PKIA: variants seen among roughly 807,000 people sequenced by gnomAD.
PKIA encodes cAMP-dependent protein kinase inhibitor alpha, also known as PKI-alpha.
PKIA carries 4 observed loss-of-function variants against 7.6 expected under a neutral mutation model. The observed-to-expected ratio is 0.52, with a 90% confidence interval of 0.26 to 1.20. PKIA has a LOEUF of 1.20. Ranked by LOEUF, PKIA falls within the 50% of genes most tolerant of loss-of-function variation. PKIA has a pLI of 0.13. For synonymous variants in PKIA, 21 were observed against 30.7 expected, an observed-to-expected ratio of 0.68 and a Z score of 1.04; for missense variants, 73 against 86.2, an observed-to-expected ratio of 0.85 and a Z score of 0.61.
At chr8:78,526,568 G>A (rs1050222364) in intron 1 of PKIA, among the ~76,000 whole-genome samples, 4 of 151,990 alleles carry the variant, frequency 2.6e-5, no homozygotes, top group Non-Finnish European at 5.9e-5. Context: ...AACTATTGGA[G>A]AAGTTTCATA....
intron 1 of PKIA, among the ~76,000 whole-genome samples, chr8:78,556,247 T>G (rs1451777332): frequency 1.3e-5 from 2 of 152,108 alleles, no homozygotes; most frequent in Non-Finnish European, 2.9e-5. Flanking sequence ...CATGTAATCT[T>G]GTTTCACTAA....
intron 1 of PKIA, among the ~76,000 whole-genome samples, chr8:78,570,758 T>TAAGAA: frequency 6.6e-6 from 1 of 152,136 alleles, no homozygotes; most frequent in Non-Finnish European, 1.5e-5. Flanking sequence ...AAGCACTCTT[T>TAAGAA]ATACCAGTTG....
intron 1 of PKIA, among the ~76,000 whole-genome samples, chr8:78,554,187 G>A (rs1326978509): frequency 2.0e-5 from 3 of 151,978 alleles, no homozygotes; most frequent in African/African-American, 7.2e-5. Context: ...AAGATAAATT[G>A]GTGGAAATAT....
Position 78,602,994 on chromosome 8 carries a change from T to C in PKIA, c.*1173T>C, listed in dbSNP as rs1422136036. On this transcript the variant is annotated 3_prime_UTR_variant, in exon 4 of 4. Transcript: ENST00000396418. ...GATCCAAATGTTATTATGCACTTTT[T>C]AATGTTTGTAAACTTTTACTAATAA... The C allele has an allele frequency of 6.6e-6, 1 of 152,400 alleles. No homozygotes were observed. Among genetic ancestry groups the C allele is most frequent in the Non-Finnish European group, 1.5e-5 (1 of 67,948 alleles). The allele number at this position is 152,400 out of a possible 1,614,324, so 9.4% of individuals were successfully genotyped here.
intron 1 of PKIA, among the ~76,000 whole-genome samples, chr8:78,538,446 A>G (rs997102848): frequency 1.3e-5 from 2 of 152,040 alleles, no homozygotes; most frequent in African/African-American, 4.8e-5. Flanking sequence ...CAAAGTTTCA[A>G]GACTAACTAG....
intron 2 of PKIA, among the ~76,000 whole-genome samples, chr8:78,588,271 G>A (rs190982004): frequency 2.4e-4 from 37 of 151,998 alleles, no homozygotes; most frequent in African/African-American, 7.5e-4. Flanking sequence ...ACCTGAGGTC[G>A]GGAGTTTGAG....
intron 1 of PKIA, among the ~76,000 whole-genome samples, chr8:78,531,710 A>G (rs569956970): frequency 1.1e-4 from 16 of 152,170 alleles, no homozygotes; most frequent in African/African-American, 3.6e-4. Flanking sequence ...CTCCACCCCT[A>G]TAGTTAATAT....
At position 78,524,875 on chromosome 8, in the gene PKIA, A is replaced by C. The variant is rs118047324; in HGVS notation, c.-157+8407A>C. ...ATGGCCAGTATGGTACATGGCTTTA[A>C]TACAGGAGATTACAAAACATTAGTT... On this transcript the variant is annotated intron_variant, in intron 1 of 3. Transcript: ENST00000396418. Among the ~76,000 whole-genome samples, 734 of 152,108 alleles carry C rather than the reference A, an allele frequency of 4.8e-3. 6 individuals carry two copies. Among genetic ancestry groups the C allele is most frequent in the South Asian group, 0.016 (78 of 4,828 alleles).
At chr8:78,548,340 C>T (rs961114799) in intron 1 of PKIA, among the ~76,000 whole-genome samples, 8 of 152,040 alleles carry the variant, frequency 5.3e-5, no homozygotes, top group Non-Finnish European at 7.4e-5. Flanking sequence ...AAATTGTGTT[C>T]TTAACCATAT....
At chr8:78,578,220 G>C (rs991248048) in intron 2 of PKIA, among the ~76,000 whole-genome samples, 4 of 151,892 alleles carry the variant, frequency 2.6e-5, no homozygotes, top group Non-Finnish European at 4.4e-5. Flanking sequence ...ACTTTATTCT[G>C]ATTCTAAAAT....
chr8:78,531,450 TA>T (rs1343622467), intron 1 of PKIA, among the ~76,000 whole-genome samples: 1 of 152,156 alleles, frequency 6.6e-6, no homozygotes, highest in Non-Finnish European at 1.5e-5. Context: ...ATACAAATGT[TA>T]ATGTTTTGTA....
chr8:78,568,992 C>T (rs757054793), intron 1 of PKIA, among the ~76,000 whole-genome samples: 10 of 151,750 alleles, frequency 6.6e-5, no homozygotes, highest in African/African-American at 1.5e-4. Flanking sequence ...CCACCCCACC[C>T]GTCAGGAAGG....
At position 78,571,682 on chromosome 8, in the gene PKIA, A is replaced by G. The variant is rs559306343; in HGVS notation, c.-156-1129A>G. Among the ~76,000 whole-genome samples the G allele has an allele frequency of 2.0e-5, 3 of 152,146 alleles. No homozygotes were observed. In the East Asian group the frequency reaches 5.8e-4, roughly 30 times the overall value. On this transcript the variant is annotated intron_variant, in intron 1 of 3. Coordinates refer to ENST00000396418, the MANE Select transcript of PKIA (RefSeq NM_006823.4). Reference sequence around the variant, plus strand: ...GCTTTCTTTCATGCCTCTATTCTCAATTCCAGCTCTACTCCTGAGTTTCCT... The same window carrying G: ...GCTTTCTTTCATGCCTCTATTCTCAGTTCCAGCTCTACTCCTGAGTTTCCT...
At chr8:78,563,179 C>A (rs563447627) in intron 1 of PKIA, among the ~76,000 whole-genome samples, 214 of 152,212 alleles carry the variant, frequency 1.4e-3, no homozygotes, top group Non-Finnish European at 2.4e-3. Flanking sequence ...TGGCAAGAGG[C>A]ATCATCAATT....
intron 1 of PKIA, among the ~76,000 whole-genome samples, chr8:78,545,604 T>C (rs538912595): frequency 2.0e-5 from 3 of 152,308 alleles, no homozygotes; most frequent in Non-Finnish European, 4.4e-5. Context: ...GATACCAGTC[T>C]GTCTTCCCTG....
At chr8:78,566,641 A>C (rs1426648488) in intron 1 of PKIA, among the ~76,000 whole-genome samples, 2 of 152,148 alleles carry the variant, frequency 1.3e-5, no homozygotes, top group African/African-American at 4.8e-5. Flanking sequence ...AAAGGTGGGT[A>C]GAAAATGTAT....
chr8:78,553,874 A>T (rs1477954329), intron 1 of PKIA, among the ~76,000 whole-genome samples: 1 of 152,036 alleles, frequency 6.6e-6, no homozygotes, highest in African/African-American at 2.4e-5. Context: ...CTTGGAAAAC[A>T]GCCAGTGCAT....
intron 3 of PKIA, among the ~76,000 whole-genome samples, 192 bp from the exon 4 acceptor site, chr8:78,601,550 A>C (rs1808348158): frequency 6.6e-6 from 1 of 152,076 alleles, no homozygotes; most frequent in Non-Finnish European, 1.5e-5. Flanking sequence ...AAGTTCACAG[A>C]ATTAATCAGT....
chr8:78,544,856 G>C (rs1806782617), intron 1 of PKIA, among the ~76,000 whole-genome samples: 1 of 152,072 alleles, frequency 6.6e-6, no homozygotes, highest in South Asian at 2.1e-4. Flanking sequence ...AGGAAAAAAA[G>C]ATATATTTAT....
Sources: allele counts gnomAD v4.1 joint callset (sites outside exome capture counted in the v4.1 genomes callset), GRCh38; gene constraint gnomAD v4.1.1; transcripts MANE v1.5; gene names NCBI Gene and HGNC (gene_info 2026-07-23, HGNC 2026-07-21).